CADM2: variants seen among roughly 807,000 people sequenced by gnomAD.
CADM2 encodes the protein cell adhesion molecule 2, also known as immunoglobulin superfamily member 4D.
Under a neutral mutation model 49.8 loss-of-function variants are expected in CADM2, and 12 were observed. The observed-to-expected ratio is 0.24, with a 90% confidence interval of 0.15 to 0.39. The LOEUF (loss-of-function observed/expected upper bound fraction) is 0.39. Among genes scored for constraint, CADM2 ranks in the 10% least tolerant of loss-of-function variants. The probability of loss-of-function intolerance (pLI) is 1.00; values close to 1 mark genes in which losing one functional copy is unlikely to be tolerated. For missense variants in CADM2, 378 were observed against 492.3 expected (o/e 0.77, Z 2.20); for synonymous variants, 214 against 175.4 (o/e 1.22, Z -1.74).
At chr3:85,805,453 C>T (rs1323025918) in intron 3 of CADM2, 1 of 152,058 alleles carries the variant, frequency 6.6e-6, no homozygotes, top group Admixed American at 6.6e-5. Context: ...ATCTAACATA[C>T]CTATTCCCTC....
At chr3:85,155,037 AG>A in intron 1 of CADM2, among the ~76,000 whole-genome samples, 1 of 150,758 alleles carries the variant, frequency 6.6e-6, no homozygotes, top group Middle Eastern at 3.4e-3. Context: ...TCAACTAACG[AG>A]CAAAATAACC....
At chr3:85,730,965 C>T (rs193290055) in intron 2 of CADM2, among the ~76,000 whole-genome samples, 86 of 152,198 alleles carry the variant, frequency 5.7e-4, no homozygotes, top group African/African-American at 1.9e-3. Flanking sequence ...ATTATTCTGA[C>T]TTTGCTTAAG....
intron 1 of CADM2, among the ~76,000 whole-genome samples, chr3:85,434,077 C>A (rs2107528114): frequency 6.6e-6 from 1 of 152,008 alleles, no homozygotes; most frequent in African/African-American, 2.4e-5. Context: ...CAAAATTATT[C>A]TCTGCTAATT....
intron 1 of CADM2, among the ~76,000 whole-genome samples, chr3:85,397,301 A>G (rs2163970): frequency 0.92 from 140,236 of 152,188 alleles, 64,943 homozygotes; most frequent in Non-Finnish European, 0.96. Flanking sequence ...TCTGTGCATC[A>G]CTGTGGAACA....
intron 1 of CADM2, among the ~76,000 whole-genome samples, chr3:85,321,091 CATATAT>C (rs1227890094): frequency 1.1e-3 from 74 of 64,758 alleles, no homozygotes; most frequent in African/African-American, 1.6e-3. Flanking sequence ...TAGATATATA[CATATAT>C]ATATATATAT....
intron 1 of CADM2, among the ~76,000 whole-genome samples, chr3:85,474,364 C>A (rs1353194123): frequency 2.6e-5 from 4 of 151,850 alleles, no homozygotes; most frequent in South Asian, 4.1e-4. Context: ...TGTTTTAATT[C>A]TTTGTTCTGT....
chr3:85,425,673 TA>T (rs1363077939), intron 1 of CADM2, among the ~76,000 whole-genome samples: 6 of 152,210 alleles, frequency 3.9e-5, no homozygotes, highest in Admixed American at 3.3e-4. Flanking sequence ...ATTTTTGTTT[TA>T]AATCACCAAG....
chr3:85,837,355 T>G (rs1057098224), intron 3 of CADM2, among the ~76,000 whole-genome samples: 15 of 151,644 alleles, frequency 9.9e-5, no homozygotes, highest in African/African-American at 3.6e-4. Flanking sequence ...TTCAATAGTT[T>G]TAAGTGACTA....
At chr3:86,043,100 A>G (rs1259148817) in intron 8 of CADM2, among the ~76,000 whole-genome samples, 2 of 152,210 alleles carry the variant, frequency 1.3e-5, no homozygotes, top group African/African-American at 4.8e-5. Flanking sequence ...AGAGCTATCT[A>G]TGACAAACCC....
At chr3:85,581,811 C>T (rs536104116) in intron 1 of CADM2, among the ~76,000 whole-genome samples, 2 of 149,218 alleles carry the variant, frequency 1.3e-5, no homozygotes, top group South Asian at 2.1e-4. Context: ...TAGTGAGCTT[C>T]GAGTATTTAT....
chr3:86,010,302 T>C (rs1731339774), intron 8 of CADM2, among the ~76,000 whole-genome samples: 1 of 151,958 alleles, frequency 6.6e-6, no homozygotes, highest in African/African-American at 2.4e-5. Context: ...AAAATATAAC[T>C]GTTTTTTCCC....
intron 1 of CADM2, among the ~76,000 whole-genome samples, chr3:84,992,492 G>C (rs2032948566): frequency 6.6e-6 from 1 of 152,068 alleles, no homozygotes; most frequent in Non-Finnish European, 1.5e-5. Flanking sequence ...ATCTGGGCAT[G>C]GTGGTGCACA....
chr3:85,665,942 A>T (rs2065551941), intron 1 of CADM2, among the ~76,000 whole-genome samples: 1 of 152,020 alleles, frequency 6.6e-6, no homozygotes, highest in African/African-American at 2.4e-5. Context: ...GAAAAGAAGA[A>T]GTCAAATTGT....
chr3:85,097,965 G>C (rs1488972245), intron 1 of CADM2, among the ~76,000 whole-genome samples: 3 of 152,112 alleles, frequency 2.0e-5, no homozygotes, highest in African/African-American at 7.2e-5. Context: ...CCTGAGGATT[G>C]TGGAATAAAC....
intron 1 of CADM2, among the ~76,000 whole-genome samples, chr3:85,399,483 C>A (rs1164758668): frequency 6.6e-6 from 1 of 152,090 alleles, no homozygotes; most frequent in African/African-American, 2.4e-5. Context: ...TCCATATGAA[C>A]TTTAAAGTAG....
intron 1 of CADM2, among the ~76,000 whole-genome samples, chr3:85,070,988 C>CAATAAATAAATAAATA (rs375122307): frequency 1.3e-4 from 19 of 143,354 alleles, no homozygotes; most frequent in South Asian, 4.5e-4. Flanking sequence ...AACTCTGTCT[C>CAATAAATAAATAAATA]AATAAATAAA....
At chr3:85,122,812 TCTCTTCTTCCATTGTATGG>T (rs1003160981) in intron 1 of CADM2, among the ~76,000 whole-genome samples, 5 of 152,182 alleles carry the variant, frequency 3.3e-5, no homozygotes, top group East Asian at 1.9e-4. Context: ...GTAAAAACAT[TCTCTTCTTCCATTGTATGG>T]CTCTTCTTCC....
In CADM2 at chr3:85,393,537, C is replaced by T. The variant is rs539889388; in HGVS notation, c.62-332985C>T. 3.6e-4 allele frequency among the ~76,000 whole-genome samples: 55 copies of T among 152,210 alleles called. No homozygotes were observed. In the South Asian group the frequency reaches 6.2e-3, roughly 17 times the overall value. On this transcript the variant is annotated intron_variant, in intron 1 of 9. Coordinates refer to ENST00000383699, the MANE Select transcript of CADM2 (RefSeq NM_001167675.2). Reference sequence around the variant, plus strand: ...ATAAATTATCTTAAAGTTATAAGCTCTGGGATTCCAGAAGTTGTATACAGC... The same window carrying T: ...ATAAATTATCTTAAAGTTATAAGCTTTGGGATTCCAGAAGTTGTATACAGC...
rs1469984787 is a variant in CADM2 at position 85,292,475 on chromosome 3, A to G, written c.61+332807A>G. On this transcript the variant is annotated intron_variant, in intron 1 of 9. Coordinates refer to ENST00000383699, the MANE Select transcript of CADM2 (RefSeq NM_001167675.2). ...CTACAGAACTCTCCACCCCAAATCA[A>G]CAGAATATACATTTTTTTCAGCACC... Among the ~76,000 whole-genome samples the G allele has an allele frequency of 5.3e-5, 8 of 151,660 alleles. No individual in the cohort carries two copies. The South Asian group carries it at 8.3e-4, about 16-fold the overall frequency.
Sources: allele counts gnomAD v4.1 joint callset (sites outside exome capture counted in the v4.1 genomes callset), GRCh38; gene constraint gnomAD v4.1.1; transcripts MANE v1.5; gene names NCBI Gene and HGNC (gene_info 2026-07-23, HGNC 2026-07-21).